The following LRP11 variants were observed in gnomAD, a reference collection of about 807,000 sequenced individuals.
LRP11 encodes the protein LDL receptor related protein 11, also known as low-density lipoprotein receptor-related protein 11.
LRP11 carries 25 observed loss-of-function variants against 43.1 expected under a neutral mutation model. The ratio of observed to expected loss-of-function variants is 0.58; its 90% confidence interval spans 0.42 to 0.81. LRP11 has a LOEUF of 0.81. Ranked by LOEUF, LRP11 falls within the 30% of genes least tolerant of loss-of-function variation. The pLI is 0.00. For missense variants in LRP11, 623 were observed against 665.1 expected, an observed-to-expected ratio of 0.94 and a Z score of 0.70; for synonymous variants, 316 against 299.4, an observed-to-expected ratio of 1.06 and a Z score of -0.57.
chr6:149,860,754 T>C lies in LRP11; in HGVS notation c.613+2654A>G, dbSNP rs60275408. Among the ~76,000 whole-genome samples the C allele has an allele frequency of 5.1e-3, 784 of 152,314 alleles. 9 individuals carry two copies. The highest frequency in any genetic ancestry group is 0.017 in the African/African-American group (722 of 41,576). On this transcript the variant is annotated intron_variant, in intron 1 of 6. Transcript: ENST00000239367. ...CATTCCTGCATCCTCCCGCCTTCCC[T>C]ACCTCTACCCTCGCAGTCCCAGCCT...
chr6:149,859,070 T>TA (rs919511712), intron 1 of LRP11, among the ~76,000 whole-genome samples: 107 of 152,038 alleles, frequency 7.0e-4, no homozygotes, highest in Middle Eastern at 3.2e-3. Context: ...TTCCTTTTCC[T>TA]AAAAAATATT....
intron 5 of LRP11, among the ~76,000 whole-genome samples, chr6:149,830,466 G>A (rs1192247398): frequency 6.6e-6 from 1 of 152,102 alleles, no homozygotes; most frequent in East Asian, 1.9e-4. Context: ...TAGCAAATAC[G>A]AGTTTTTTAC....
chr6:149,853,418 T>C (rs1029475485), intron 1 of LRP11, among the ~76,000 whole-genome samples: 2 of 152,202 alleles, frequency 1.3e-5, no homozygotes, highest in South Asian at 2.1e-4. Flanking sequence ...TGTGTAAATA[T>C]GGAGAAGCAG....
intron 5 of LRP11, among the ~76,000 whole-genome samples, chr6:149,829,951 T>C (rs978617585): frequency 6.6e-6 from 1 of 152,058 alleles, no homozygotes; most frequent in Non-Finnish European, 1.5e-5. Flanking sequence ...TCAATTATAT[T>C]TACATATAAT....
intron 6 of LRP11, among the ~76,000 whole-genome samples, chr6:149,825,626 C>T (rs1776328190): frequency 6.6e-6 from 1 of 151,640 alleles, no homozygotes; most frequent in African/African-American, 2.4e-5. Flanking sequence ...ATAGCCTGCT[C>T]AAGGTCATAC....
At chr6:149,859,643 G>A (rs927718364) in intron 1 of LRP11, among the ~76,000 whole-genome samples, 10 of 151,776 alleles carry the variant, frequency 6.6e-5, no homozygotes, top group Non-Finnish European at 1.2e-4. Flanking sequence ...CAATCCACCT[G>A]CGTTGGCCTC....
At chr6:149,821,061 G>C (rs1002647333) in intron 6 of LRP11, among the ~76,000 whole-genome samples, 6 of 151,350 alleles carry the variant, frequency 4.0e-5, no homozygotes, top group African/African-American at 1.5e-4. Flanking sequence ...CTCCCGAGTA[G>C]CTGGGATTAC....
chr6:149,849,951 T>A (rs1367066679), intron 2 of LRP11, among the ~76,000 whole-genome samples: 1 of 152,088 alleles, frequency 6.6e-6, no homozygotes, highest in African/African-American at 2.4e-5. Context: ...GATCTTAAAG[T>A]ATCACGAGGC....
At position 149,836,079 on chromosome 6, in the gene LRP11, C is replaced by T; in HGVS notation, c.1252+6G>A. The T allele has an allele frequency of 6.2e-7, 1 of 1,613,152 alleles. No homozygotes were observed. The highest frequency in any genetic ancestry group is 8.5e-7 in the Non-Finnish European group (1 of 1,179,172). On this transcript the variant is annotated splice_donor_region_variant and intron_variant, in intron 5 of 6. Transcript: ENST00000239367. ...TCTTCATTGAGAACCCACCGTGAATCCTTACCTGGCATCACAGGAATGATT... is the reference window on the plus strand; with the variant it reads ...TCTTCATTGAGAACCCACCGTGAATTCTTACCTGGCATCACAGGAATGATT...
Position 149,842,973 on chromosome 6 carries a change from T to A in LRP11, c.913+10A>T. On this transcript the variant is annotated intron_variant, in intron 3 of 6. Coordinates refer to ENST00000239367, the MANE Select transcript of LRP11 (RefSeq NM_032832.6). ...AGCAGTGGGAAGCGAGGGAAGGACT[T>A]TCTTCTCACCTCCTGTGGAGTAGGC... 1 of 1,613,972 alleles carries A rather than the reference T, an allele frequency of 6.2e-7. No homozygotes were observed. Among genetic ancestry groups the A allele is most frequent in the Non-Finnish European group, 8.5e-7 (1 of 1,179,916 alleles).
intron 3 of LRP11, among the ~76,000 whole-genome samples, chr6:149,839,816 G>A (rs981444227): frequency 2.6e-5 from 4 of 151,972 alleles, no homozygotes; most frequent in Non-Finnish European, 4.4e-5. Flanking sequence ...CACCACATCC[G>A]GCTAGTCCGG....
Position 149,853,011 on chromosome 6 carries a change from C to A in LRP11, c.763G>T (p.Asp255Tyr), listed in dbSNP as rs369294879. ...GTGACAACATGCGTTACCTTCATGT[C>A]CACTGACGGGTCCCCCTGCAGCAGT... is the stretch of plus-strand genomic sequence containing the variant. The part of the protein sequence containing the change: ...WALLQGDPSV[D>Y]MKVPQSGTLK... The change falls in exon 2 of 7, where the codon GAC (aspartate) becomes TAC (tyrosine). Residue 255 changes from aspartate (D) to tyrosine (Y), a missense_variant. Physicochemically the swap from Asp to Tyr is radical, Grantham distance 160. Coordinates refer to ENST00000239367, the MANE Select transcript of LRP11 (RefSeq NM_032832.6). 29 of 1,594,214 alleles carry A rather than the reference C, an allele frequency of 1.8e-5. No individual in the cohort carries two copies. The highest frequency in any genetic ancestry group is 2.4e-5 in the Non-Finnish European group (28 of 1,172,812).
intron 1 of LRP11, among the ~76,000 whole-genome samples, chr6:149,863,137 C>A (rs1025570185): frequency 6.6e-6 from 1 of 152,158 alleles, no homozygotes; most frequent in African/African-American, 2.4e-5. Context: ...CATTTCTCCC[C>A]TTTTAAGTCA....
At chr6:149,839,106 G>A (rs1425982673) in intron 3 of LRP11, among the ~76,000 whole-genome samples, 1 of 150,854 alleles carries the variant, frequency 6.6e-6, no homozygotes, top group Non-Finnish European at 1.5e-5. Context: ...TGTTGCCCAG[G>A]CTGGTCTTGA....
In LRP11 at chr6:149,819,092, C is replaced by G. The variant is rs1183257112; in HGVS notation, c.*1457G>C. ...ACATCTTTGCTCAATTCTAAACATT[C>G]AACAAAATTAGCTTCCCAAGAAACA... On this transcript the variant is annotated 3_prime_UTR_variant, in exon 7 of 7. Transcript: ENST00000239367. 6.6e-6 allele frequency: 1 copy of G among 152,250 alleles called. No individual in the cohort carries two copies. The highest frequency in any genetic ancestry group is 2.4e-5 in the African/African-American group (1 of 41,452). 9.4% of individuals were successfully genotyped at this position (152,250 alleles called of 1,614,324 possible).
rs1255682055 is a variant in LRP11 at position 149,863,608 on chromosome 6, G to A, written c.413C>T (p.Pro138Leu). Residue 138 changes from proline (P) to leucine (L), a missense_variant, in exon 1 of 7, where the codon CCG (proline) becomes CTG (leucine). Pro to Leu is a moderately conservative substitution (Grantham distance 98, BLOSUM62 -3). Coordinates refer to ENST00000239367, the MANE Select transcript of LRP11 (RefSeq NM_032832.6). The part of the protein sequence containing the change: ...RQCVAACCSE[P>L]RCSVAVVELP... ...CTCCACCACGGCCACGGAGCAGCGC[G>A]GCTCGGAGCAGCAGGCCGCCACGCA... 2 of 1,456,092 alleles carry A rather than the reference G, an allele frequency of 1.4e-6. No homozygotes were observed. Among genetic ancestry groups the A allele is most frequent in the South Asian group, 1.3e-5 (1 of 75,594 alleles). 90.2% of individuals were successfully genotyped at this position (1,456,092 alleles called of 1,614,324 possible).
intron 6 of LRP11, among the ~76,000 whole-genome samples, chr6:149,821,066 G>C (rs1246089228): frequency 2.0e-5 from 3 of 151,878 alleles, no homozygotes; most frequent in Non-Finnish European, 4.4e-5. Context: ...GAGTAGCTGG[G>C]ATTACAGGTG....
intron 6 of LRP11, among the ~76,000 whole-genome samples, chr6:149,825,147 A>T (rs1776322925): frequency 1.3e-5 from 2 of 152,184 alleles, no homozygotes; most frequent in African/African-American, 4.8e-5. Flanking sequence ...AATAGGGTAA[A>T]AAGAAAGTTT....
chr6:149,831,047 G>GAAACA, intron 5 of LRP11, among the ~76,000 whole-genome samples: 1 of 152,176 alleles, frequency 6.6e-6, no homozygotes, highest in African/African-American at 2.4e-5. Context: ...GTGGCGAATC[G>GAAACA]AAACAAAACA....
Sources: allele counts gnomAD v4.1 joint callset (sites outside exome capture counted in the v4.1 genomes callset), GRCh38; gene constraint gnomAD v4.1.1; transcripts MANE v1.5; gene names NCBI Gene and HGNC (gene_info 2026-07-23, HGNC 2026-07-21).